Variants in NEGR1 observed in about 807,000 individuals in gnomAD.
NEGR1 encodes the protein neuronal growth regulator 1.
NEGR1 carries 10 observed loss-of-function variants against 40.9 expected under a neutral mutation model. The ratio of observed to expected loss-of-function variants is 0.24; its 90% CI spans 0.15 to 0.42. NEGR1 has a LOEUF of 0.42. Among genes scored for constraint, NEGR1 ranks in the 10% least tolerant of loss-of-function variants. The pLI is 1.00. For missense variants in NEGR1, 352 were observed against 438.9 expected, an observed-to-expected ratio of 0.80 and a Z score of 1.77; for synonymous variants, 185 against 166.8, an observed-to-expected ratio of 1.11 and a Z score of -0.84.
In NEGR1 at chr1:71,510,780, G is replaced by A. The variant is rs369485899; in HGVS notation, c.940+82037C>T. On this transcript the variant is annotated intron_variant, in intron 6 of 6. Coordinates refer to ENST00000357731, the MANE Select transcript of NEGR1 (RefSeq NM_173808.3). ...GCCTATCAGACACCTGGTCTTGCAA[G>A]ACTGCTATTAAAAGTCTCACTTCCG... is the stretch of plus-strand genomic sequence containing the variant. Among the ~76,000 whole-genome samples the A allele has an allele frequency of 1.8e-4, 27 of 152,174 alleles. No individual in the cohort carries two copies. The South Asian group carries it at 1.9e-3, about 11-fold the overall frequency.
At chr1:71,435,137 T>C (rs146729687) in intron 6 of NEGR1, among the ~76,000 whole-genome samples, 3,201 of 151,592 alleles carry the variant, frequency 0.021, 52 homozygotes, top group South Asian at 0.078. Flanking sequence ...GAGGGAATTA[T>C]TGTATCTACA....
intron 6 of NEGR1, among the ~76,000 whole-genome samples, chr1:71,515,642 C>G (rs79420742): frequency 0.95 from 93,710 of 98,266 alleles, 45,069 homozygotes; most frequent in East Asian, 1. Flanking sequence ...AAAGACCATC[C>G]AGACTAGGAA....
intron 1 of NEGR1, among the ~76,000 whole-genome samples, chr1:72,055,783 A>G (rs1647104251): frequency 6.8e-6 from 1 of 146,934 alleles, no homozygotes; most frequent in African/African-American, 2.5e-5. Context: ...TGTAATCTAT[A>G]ATATATTATA....
At chr1:72,216,984 T>C (rs1354062288) in intron 1 of NEGR1, among the ~76,000 whole-genome samples, 3 of 151,570 alleles carry the variant, frequency 2.0e-5, no homozygotes, top group African/African-American at 7.2e-5. Context: ...TTGATTTTTC[T>C]AATGCAGCTT....
At chr1:71,418,202 T>A (rs547316443) in intron 6 of NEGR1, among the ~76,000 whole-genome samples, 87 of 151,818 alleles carry the variant, frequency 5.7e-4, no homozygotes, top group African/African-American at 2.1e-3. Flanking sequence ...CACAGCTTAA[T>A]TAGTTATAGT....
chr1:71,987,062 G>C (rs2100349857), intron 1 of NEGR1, among the ~76,000 whole-genome samples: 1 of 152,230 alleles, frequency 6.6e-6, no homozygotes, highest in East Asian at 1.9e-4. Context: ...GAGATTTCCA[G>C]GGAGAAACTT....
At chr1:72,122,466 T>G (rs1225016539) in intron 1 of NEGR1, among the ~76,000 whole-genome samples, 1 of 152,054 alleles carries the variant, frequency 6.6e-6, no homozygotes, top group African/African-American at 2.4e-5. Context: ...CTTTTTCACA[T>G]ACATAAACTT....
In NEGR1 at chr1:71,432,999, A is replaced by G. The variant is rs141833814; in HGVS notation, c.941-25429T>C. Among the ~76,000 whole-genome samples, 4 of 152,324 alleles carry G rather than the reference A, an allele frequency of 2.6e-5. No individual in the cohort carries two copies. The East Asian group carries it at 7.7e-4, about 29-fold the overall frequency. ...TGCCTCCCATAAAACTTTGTCTCCA[A>G]TGCAACAATATTAAGAAGTGGAACC... On this transcript the variant is annotated intron_variant, in intron 6 of 6. Transcript: ENST00000357731.
chr1:71,413,930 A>C (rs1304618832), intron 6 of NEGR1, among the ~76,000 whole-genome samples: 2 of 152,156 alleles, frequency 1.3e-5, no homozygotes, highest in Non-Finnish European at 2.9e-5. Context: ...TGTAACTGTG[A>C]AATATTTAGT....
intron 1 of NEGR1, among the ~76,000 whole-genome samples, chr1:72,141,812 G>A (rs142759769): frequency 6.6e-6 from 1 of 151,946 alleles, no homozygotes; most frequent in Non-Finnish European, 1.5e-5. Context: ...CTAATGCACT[G>A]TGCCTTGTAG....
At chr1:71,587,221 A>G (rs910874861) in intron 6 of NEGR1, among the ~76,000 whole-genome samples, 1 of 152,116 alleles carries the variant, frequency 6.6e-6, no homozygotes, top group African/African-American at 2.4e-5. Context: ...GCAAGCAGAG[A>G]GCTGAAATAT....
intron 6 of NEGR1, among the ~76,000 whole-genome samples, chr1:71,524,676 T>C (rs530866512): frequency 6.6e-6 from 1 of 151,702 alleles, no homozygotes; most frequent in Non-Finnish European, 1.5e-5. Context: ...TGGGAATTTA[T>C]TACATTATGT....
chr1:71,943,438 C>A (rs1645990763), intron 1 of NEGR1, among the ~76,000 whole-genome samples: 4 of 151,518 alleles, frequency 2.6e-5, no homozygotes, highest in Admixed American at 2.6e-4. Flanking sequence ...TAAAATCACT[C>A]ATTTTAACTC....
intron 1 of NEGR1, among the ~76,000 whole-genome samples, chr1:71,980,046 T>G (rs545387675): frequency 6.6e-6 from 1 of 152,142 alleles, no homozygotes; most frequent in South Asian, 2.1e-4. Context: ...ATGCAAATGA[T>G]AAAAAAGAGT....
intron 3 of NEGR1, among the ~76,000 whole-genome samples, chr1:71,748,396 G>GTA (rs1655456656): frequency 6.6e-6 from 1 of 152,084 alleles, no homozygotes; most frequent in Non-Finnish European, 1.5e-5. Flanking sequence ...AATTCACTGA[G>GTA]TATATATATG....
At chr1:71,629,048 A>G (rs555811241) in intron 4 of NEGR1, among the ~76,000 whole-genome samples, 42 of 152,080 alleles carry the variant, frequency 2.8e-4, no homozygotes, top group African/African-American at 1.0e-3. Context: ...GAAAGTGTTC[A>G]TATTTCTCTA....
intron 3 of NEGR1, among the ~76,000 whole-genome samples, chr1:71,722,725 T>C (rs890194031): frequency 1.3e-5 from 2 of 152,272 alleles, no homozygotes; most frequent in South Asian, 2.1e-4. Context: ...TACATTTTTT[T>C]TATTTTTTAA....
At chr1:72,162,088 C>G (rs1406315916) in intron 1 of NEGR1, among the ~76,000 whole-genome samples, 1 of 151,948 alleles carries the variant, frequency 6.6e-6, no homozygotes, top group Non-Finnish European at 1.5e-5. Context: ...ATTACCTTAA[C>G]CAGTTTTAGA....
At chr1:72,128,438 C>T (rs2100306855) in intron 1 of NEGR1, among the ~76,000 whole-genome samples, 1 of 152,054 alleles carries the variant, frequency 6.6e-6, no homozygotes, top group Non-Finnish European at 1.5e-5. Context: ...GTATAATAAA[C>T]AGAAGTGCTA....
Sources: gnomAD v4.1 joint callset for allele counts (sites outside exome capture counted in the v4.1 genomes callset) on GRCh38, gnomAD v4.1.1 for gene constraint, MANE v1.5 for transcripts, NCBI Gene and HGNC (gene_info 2026-07-23, HGNC 2026-07-21) for gene names.